The following KCNK9 variants were observed in gnomAD, a reference collection of about 807,000 sequenced individuals.
KCNK9 encodes potassium two pore domain channel subfamily K member 9, also known as potassium channel subfamily K member 9.
In KCNK9, 1 loss-of-function variant was observed where a neutral mutation model predicts 10.8. The observed-to-expected ratio is 0.09, with a 90% CI of 0.03 to 0.44. KCNK9 has a LOEUF of 0.44. Ranked by LOEUF, KCNK9 falls within the 20% of genes least tolerant of loss-of-function variation. The pLI is 0.97. For synonymous variants in KCNK9, 231 were observed against 222.7 expected, an observed-to-expected ratio of 1.04 and a Z score of -0.33; for missense variants, 303 against 515.0, an observed-to-expected ratio of 0.59 and a Z score of 3.98.
intron 2 of KCNK9, among the ~76,000 whole-genome samples, chr8:139,607,324 T>C (rs1197014398): frequency 6.6e-6 from 1 of 152,168 alleles, no homozygotes; most frequent in Non-Finnish European, 1.5e-5. Context: ...AAGGACTTGA[T>C]CGTCTAGCTC....
chr8:139,609,963 C>T (rs1814367805), downstream of KCNK9, among the ~76,000 whole-genome samples: 1 of 152,130 alleles, frequency 6.6e-6, no homozygotes. Flanking sequence ...ATGTCTTGCC[C>T]TAGGTCACAC....
chr8:139,629,168 G>C (rs1035601999), intron 1 of KCNK9, among the ~76,000 whole-genome samples: 15 of 152,352 alleles, frequency 9.8e-5, no homozygotes, highest in African/African-American at 3.6e-4. Flanking sequence ...CACATCAGCT[G>C]TCATAGTTAC....
intron 1 of KCNK9, among the ~76,000 whole-genome samples, chr8:139,646,439 T>C (rs1815685207): frequency 6.6e-6 from 1 of 152,238 alleles, no homozygotes; most frequent in Non-Finnish European, 1.5e-5. Context: ...ACAGAGATTC[T>C]AGCGGCCAGG....
At chr8:139,668,194 G>C (rs1312196866) in intron 1 of KCNK9, among the ~76,000 whole-genome samples, 1 of 152,122 alleles carries the variant, frequency 6.6e-6, no homozygotes, top group African/African-American at 2.4e-5. Flanking sequence ...GAGGGTGGAG[G>C]GTGAGAGAGG....
At chr8:139,684,207 G>T (rs1167251213) in intron 1 of KCNK9, among the ~76,000 whole-genome samples, 1 of 152,158 alleles carries the variant, frequency 6.6e-6, no homozygotes, top group Non-Finnish European at 1.5e-5. Context: ...CCTCTTTGGT[G>T]TTCCTCACAC....
chr8:139,699,107 C>T (rs1817133971), intron 1 of KCNK9, among the ~76,000 whole-genome samples: 1 of 152,190 alleles, frequency 6.6e-6, no homozygotes, highest in Admixed American at 6.5e-5. Flanking sequence ...TTCAAATTGT[C>T]CTCTACACTC....
chr8:139,666,339 T>A (rs1816300051), intron 1 of KCNK9, among the ~76,000 whole-genome samples: 1 of 152,250 alleles, frequency 6.6e-6, no homozygotes, highest in Non-Finnish European at 1.5e-5. Context: ...TACCATGTAC[T>A]AAGCACGGCG....
chr8:139,640,611 G>A (rs933591039), intron 1 of KCNK9, among the ~76,000 whole-genome samples: 20 of 152,304 alleles, frequency 1.3e-4, no homozygotes, highest in Admixed American at 5.9e-4. Flanking sequence ...AGCCACCAGG[G>A]CCTGTGCAAC....
chr8:139,615,512 G>A (rs1381280954), downstream of KCNK9, among the ~76,000 whole-genome samples: 1 of 152,136 alleles, frequency 6.6e-6, no homozygotes, highest in Non-Finnish European at 1.5e-5. Context: ...AGGGGGAAGA[G>A]ATGGACCATC....
chr8:139,675,136 G>A (rs1340092232), intron 1 of KCNK9, among the ~76,000 whole-genome samples: 2 of 152,224 alleles, frequency 1.3e-5, no homozygotes, highest in African/African-American at 4.8e-5. Flanking sequence ...GAGCAGCGGT[G>A]GAGGAGCAAA....
chr8:139,618,288 C>T lies in KCNK9; in HGVS notation c.1095G>A (p.Gln365=). Residue 365 remains glutamine (Q), a synonymous_variant, in exon 2 of 2, where the codon CAG becomes CAA. Transcript: ENST00000520439. This position sits in a 1 kb window ranked among gnomAD's most constrained non-coding sequence, Gnocchi z 7.9. ...SPGLHSFTDH[Q]RLMKRRKSV The stretch of plus-strand genomic sequence containing the variant: ...CGGACTTCCGGCGTTTCATCAGCCT[C>T]TGGTGGTCGGTAAAGCTGTGTAACC... The T allele has an allele frequency of 6.2e-7, 1 of 1,614,208 alleles. No individual in the cohort carries two copies. Among genetic ancestry groups the T allele is most frequent in the Non-Finnish European group, 8.5e-7 (1 of 1,180,040 alleles).
At chr8:139,607,441 C>T (rs1172679561) in intron 2 of KCNK9, among the ~76,000 whole-genome samples, 1 of 152,166 alleles carries the variant, frequency 6.6e-6, no homozygotes. Context: ...CACAAAGGGG[C>T]CCCCGGGAGC....
chr8:139,672,728 G>A (rs998701826), intron 1 of KCNK9, among the ~76,000 whole-genome samples: 3 of 152,224 alleles, frequency 2.0e-5, no homozygotes, highest in East Asian at 1.9e-4. Flanking sequence ...TGGGTCTCCA[G>A]TCCTGTTTCC....
intron 1 of KCNK9, among the ~76,000 whole-genome samples, chr8:139,659,045 A>G (rs1586670956): frequency 6.6e-6 from 1 of 152,272 alleles, no homozygotes; most frequent in Non-Finnish European, 1.5e-5. Flanking sequence ...GGGGGAAGAC[A>G]AGTTAGCCAG....
chr8:139,627,883 C>T (rs1815028085), intron 1 of KCNK9, among the ~76,000 whole-genome samples: 1 of 152,252 alleles, frequency 6.6e-6, no homozygotes, highest in Non-Finnish European at 1.5e-5. Flanking sequence ...GGCCAGCTGG[C>T]AGGCCAGGGC....
At chr8:139,699,779 G>A (rs752872576) in intron 1 of KCNK9, among the ~76,000 whole-genome samples, 2 of 152,184 alleles carry the variant, frequency 1.3e-5, no homozygotes, top group Non-Finnish European at 2.9e-5. Context: ...ACGCAAAGTG[G>A]TAATTACATA....
chr8:139,689,933 G>A (rs189163949), intron 1 of KCNK9, among the ~76,000 whole-genome samples: 45 of 152,220 alleles, frequency 3.0e-4, no homozygotes, highest in Admixed American at 1.4e-3. Context: ...GAGCCACCAC[G>A]CCCGGCCACC....
rs1563754129 is a variant in KCNK9, at chr8:139,693,130, C to T, written c.283+9580G>A. 6.6e-6 allele frequency among the ~76,000 whole-genome samples: 1 copy of T among 152,162 alleles called. No homozygotes were observed. The highest frequency in any genetic ancestry group is 1.5e-5 in the Non-Finnish European group (1 of 68,034). On this transcript the variant is annotated intron_variant, in intron 1 of 1. Coordinates refer to ENST00000520439, the MANE Select transcript of KCNK9 (RefSeq NM_001282534.2). This position sits in a 1 kb window ranked among gnomAD's most constrained non-coding sequence, Gnocchi z 4.1. ...CACCACATGTGCGCTGCGTGCCTGTCAGCTGCAGGTAAAGGCCTCTCACCT... is the reference window on the plus strand; with the variant it reads ...CACCACATGTGCGCTGCGTGCCTGTTAGCTGCAGGTAAAGGCCTCTCACCT...
At chr8:139,681,365 G>A (rs1816684098) in intron 1 of KCNK9, among the ~76,000 whole-genome samples, 1 of 152,234 alleles carries the variant, frequency 6.6e-6, no homozygotes, top group African/African-American at 2.4e-5. Context: ...GACACCGGCA[G>A]ACGGAGTAAC....
Sources: gnomAD v4.1 joint callset for allele counts (sites outside exome capture counted in the v4.1 genomes callset) on GRCh38, gnomAD v4.1.1 for gene constraint, Gnocchi (gnomAD v3.1) non-coding constraint, MANE v1.5 for transcripts, NCBI Gene and HGNC (gene_info 2026-07-23, HGNC 2026-07-21) for gene names.